Variants in KLF12 observed in about 807,000 individuals in gnomAD.
KLF12 encodes KLF transcription factor 12.
A neutral mutation model predicts 37.8 loss-of-function variants in KLF12; 9 were observed. That is an observed-to-expected ratio of 0.24 (90% confidence interval 0.14 to 0.42). The LOEUF (loss-of-function observed/expected upper bound fraction) is 0.42, where lower values mean the gene tolerates loss of function less well. Among genes scored for constraint, KLF12 ranks in the 10% least tolerant of loss-of-function variants. The pLI, the probability that KLF12 is intolerant of heterozygous loss-of-function variation, is 1.00. For missense variants in KLF12, 411 were observed against 516.0 expected (o/e 0.80, Z 1.97); for synonymous variants, 208 against 202.1 (o/e 1.03, Z -0.25).
chr13:74,254,636 G>A, the KLF12 span, among the ~76,000 whole-genome samples: 1 of 152,158 alleles, frequency 6.6e-6, no homozygotes, highest in Admixed American at 6.5e-5. Context: ...ATTCTCAACT[G>A]TGCTTCTAAG....
At chr13:73,921,448 T>C (rs2139219565) in intron 3 of KLF12, among the ~76,000 whole-genome samples, 1 of 152,302 alleles carries the variant, frequency 6.6e-6, no homozygotes, top group African/African-American at 2.4e-5. Flanking sequence ...ATTAATATTT[T>C]TTCTTGTCTT....
the KLF12 span, chr13:74,231,884 G>A: frequency 6.6e-6 from 1 of 152,098 alleles, no homozygotes. Flanking sequence ...TTTGTTATTG[G>A]TTTTTATTAT....
intron 6 of KLF12, among the ~76,000 whole-genome samples, chr13:73,742,575 C>T (rs1878077859): frequency 6.6e-6 from 1 of 152,034 alleles, no homozygotes; most frequent in Admixed American, 6.5e-5. Context: ...TTTTACATTC[C>T]CCTTCCGCCC....
chr13:73,789,737 T>C (rs7990670), intron 5 of KLF12, among the ~76,000 whole-genome samples: 23,762 of 150,648 alleles, frequency 0.16, 2,348 homozygotes, highest in African/African-American at 0.29. Flanking sequence ...AGTGCGGTGG[T>C]GCCATCTCCG....
chr13:73,741,634 T>G (rs4885115), intron 6 of KLF12, among the ~76,000 whole-genome samples: 113,116 of 152,030 alleles, frequency 0.74, 44,113 homozygotes, highest in East Asian at 0.87. Flanking sequence ...ATTTCAAGTA[T>G]GTTAAGGCTA....
At chr13:73,805,947 G>C (rs950530702) in intron 5 of KLF12, among the ~76,000 whole-genome samples, 1 of 151,834 alleles carries the variant, frequency 6.6e-6, no homozygotes, top group East Asian at 1.9e-4. Context: ...CGGGATTACA[G>C]GTGCCCACCA....
intron 3 of KLF12, among the ~76,000 whole-genome samples, chr13:73,930,860 ATTTTTT>A (rs11432866): frequency 3.7e-4 from 41 of 109,476 alleles, no homozygotes; most frequent in African/African-American, 1.3e-3. Flanking sequence ...AACTGGAAAC[ATTTTTT>A]TTTTTTTTTT....
the KLF12 span, among the ~76,000 whole-genome samples, chr13:74,196,409 G>T: frequency 6.6e-6 from 1 of 152,168 alleles, no homozygotes; most frequent in South Asian, 2.1e-4. Context: ...CATTTTGGGT[G>T]TGCTGCAACC....
intron 1 of KLF12, among the ~76,000 whole-genome samples, chr13:74,131,846 T>C (rs4594139): frequency 0.97 from 147,780 of 152,166 alleles, 71,910 homozygotes; most frequent in Middle Eastern, 1. Context: ...AATAATAAAC[T>C]GCTTTCCTAA....
the KLF12 span, among the ~76,000 whole-genome samples, chr13:74,226,577 C>T: frequency 6.6e-6 from 1 of 152,092 alleles, no homozygotes; most frequent in South Asian, 2.1e-4. Context: ...ATTATAGAAG[C>T]TATGGCCTTC....
At chr13:74,275,974 C>T in the KLF12 span, among the ~76,000 whole-genome samples, 7 of 145,526 alleles carry the variant, frequency 4.8e-5, no homozygotes, top group South Asian at 6.8e-4. Flanking sequence ...TTTTACTTTA[C>T]TTTAAGTCCT....
chr13:73,815,524 T>C (rs1443686626), intron 4 of KLF12, among the ~76,000 whole-genome samples: 1 of 152,206 alleles, frequency 6.6e-6, no homozygotes, highest in African/African-American at 2.4e-5. Context: ...GGGGCAATCC[T>C]GTTCTAGAAT....
intron 1 of KLF12, among the ~76,000 whole-genome samples, chr13:74,087,454 T>C (rs1875381463): frequency 6.6e-6 from 1 of 151,960 alleles, no homozygotes; most frequent in Non-Finnish European, 1.5e-5. Context: ...CAAAGCAATC[T>C]CACAATAGCT....
rs115107490 is a variant in KLF12 at position 73,773,974 on chromosome 13, A to G, written c.807-8974T>C. On this transcript the variant is annotated intron_variant, in intron 5 of 7. Coordinates refer to ENST00000377669, the MANE Select transcript of KLF12 (RefSeq NM_007249.5). ...CCAAACTGGATCATGTCTCCACCTTACAGATTCTCATCATTCCCTGCATTG... is the reference window on the plus strand; with the variant it reads ...CCAAACTGGATCATGTCTCCACCTTGCAGATTCTCATCATTCCCTGCATTG... Among the ~76,000 whole-genome samples the G allele has an allele frequency of 5.3e-3, 807 of 152,190 alleles. 6 individuals carry two copies. Among genetic ancestry groups the G allele is most frequent in the African/African-American group, 0.017 (718 of 41,506 alleles).
At chr13:74,229,506 G>A in the KLF12 span, among the ~76,000 whole-genome samples, 2 of 152,118 alleles carry the variant, frequency 1.3e-5, no homozygotes, top group Admixed American at 1.3e-4. Flanking sequence ...GGTGATGCAT[G>A]GTAACAACAG....
chr13:73,976,649 G>A (rs924195683), intron 2 of KLF12, among the ~76,000 whole-genome samples: 9 of 152,084 alleles, frequency 5.9e-5, no homozygotes, highest in Non-Finnish European at 1.2e-4. Context: ...ATTTTTTAAC[G>A]ACTACATTTA....
Position 73,783,863 on chromosome 13 carries a change from G to A in KLF12, c.807-18863C>T, listed in dbSNP as rs913881609. 3.9e-5 allele frequency among the ~76,000 whole-genome samples: 6 copies of A among 151,984 alleles called. No homozygotes were observed. In the East Asian group the frequency reaches 7.7e-4, roughly 20 times the overall value. On this transcript the variant is annotated intron_variant, in intron 5 of 7. Transcript: ENST00000377669. ...ACATGACTGTAATGACTGGCAAACC[G>A]GACACAGTTCTAACACAAACGCTTC...
chr13:74,132,955 T>G (rs1878343999), intron 1 of KLF12, among the ~76,000 whole-genome samples: 1 of 151,984 alleles, frequency 6.6e-6, no homozygotes. Flanking sequence ...ACCCTCAGAG[T>G]GAGCTTCTGA....
At chr13:73,701,285 G>C (rs1481146127) in intron 7 of KLF12, among the ~76,000 whole-genome samples, 1 of 152,166 alleles carries the variant, frequency 6.6e-6, no homozygotes, top group Admixed American at 6.5e-5. Flanking sequence ...TAGAAATAAT[G>C]CATTTCCCCT....
Sources: gnomAD v4.1 joint callset for allele counts (sites outside exome capture counted in the v4.1 genomes callset) on GRCh38, gnomAD v4.1.1 for gene constraint, MANE v1.5 for transcripts, NCBI Gene and HGNC (gene_info 2026-07-23, HGNC 2026-07-21) for gene names.